RPL14: variants seen among roughly 807,000 people sequenced by gnomAD.
The protein encoded by RPL14 is large ribosomal subunit protein eL14.
A neutral mutation model predicts 25.3 loss-of-function variants in RPL14; 4 were observed. That is an observed-to-expected ratio of 0.16 (90% CI 0.08 to 0.36). The LOEUF (loss-of-function observed/expected upper bound fraction) is 0.36. Ranked by LOEUF, RPL14 falls within the 10% of genes least tolerant of loss-of-function variation. RPL14 has a pLI of 1.00. For synonymous variants in RPL14, 75 were observed against 89.8 expected, an observed-to-expected ratio of 0.84 and a Z score of 0.93; for missense variants, 212 against 261.9, an observed-to-expected ratio of 0.81 and a Z score of 1.31.
intron 1 of RPL14, 85 bp downstream of exon 1, chr3:40,457,559 T>C: frequency 8.4e-7 from 1 of 1,194,828 alleles, no homozygotes; most frequent in Non-Finnish European, 1.2e-6. Context: ...GGCGAGCGCG[T>C]GGAGGGCCCG....
At chr3:40,457,599 G>T (rs1419711172) in intron 1 of RPL14, 125 bp downstream of exon 1, 1 of 767,522 alleles carries the variant, frequency 1.3e-6, no homozygotes, top group East Asian at 2.8e-5. Context: ...GGCCACGCGT[G>T]CGCGCCTCCG....
chr3:40,458,436 TTAA>T (rs1696878298), intron 2 of RPL14: 1 of 582,826 alleles, frequency 1.7e-6, no homozygotes, highest in Admixed American at 3.1e-5. Flanking sequence ...GAAGGAGCAT[TTAA>T]TGATGTGGAG....
rs908317898 is a variant in RPL14, at chr3:40,464,415, G to A, written c.*2183G>A. 3.1e-5 allele frequency: 14 copies of A among 455,510 alleles called. No individual in the cohort carries two copies. Among genetic ancestry groups the A allele is most frequent in the Admixed American group, 4.7e-5 (2 of 42,544 alleles). The allele number at this position is 455,510 out of a possible 1,614,324, so 28.2% of individuals were successfully genotyped here. The stretch of plus-strand genomic sequence containing the variant: ...GATTTCGGATTACCTGTTCTACTCT[G>A]GGAGGTAGAGAATTGTCTAGAGAAA... On this transcript the variant is annotated 3_prime_UTR_variant, in exon 6 of 6. Transcript: ENST00000396203.
rs111899316 is a variant in RPL14 at position 40,462,027 on chromosome 3, GTAC to G, written c.445_447del (p.Thr149del). On this transcript the variant is annotated inframe_deletion, in exon 6 of 6. Transcript: ENST00000396203. ...CCCAAAAAAGCACCTGGTACTAAGG[GTAC>G]TGCTGCTGCTGCTGCTGCTGCTGCT... 0.022 allele frequency: 8,804 copies of G among 404,270 alleles called. 359 individuals carry two copies. Among genetic ancestry groups the G allele is most frequent in the African/African-American group, 0.17 (7,407 of 43,064 alleles). The allele number at this position is 404,270 out of a possible 1,614,324, so 25.0% of individuals were successfully genotyped here.
At chr3:40,458,799 G>A (rs1696883467) in intron 3 of RPL14, 63 bp downstream of exon 3, 1 of 1,322,258 alleles carries the variant, frequency 7.6e-7, no homozygotes, top group African/African-American at 1.4e-5. Flanking sequence ...GTAAAAGTTT[G>A]TTTTGGAGTA....
At position 40,462,358 on chromosome 3, in the gene RPL14, TTAAA is replaced by T; in HGVS notation, c.*130_*133del. 2 of 771,600 alleles carry T rather than the reference TTAAA, an allele frequency of 2.6e-6. No homozygotes were observed. The highest frequency in any genetic ancestry group is 3.9e-6 in the Non-Finnish European group (2 of 510,802). 47.8% of individuals were successfully genotyped at this position (771,600 alleles called of 1,614,324 possible). ...ATTGATAGTAGGATTATAATAAACA[TTAAA>T]TAATCAGTTCCTTTTTTTTTTTTTT... On this transcript the variant is annotated 3_prime_UTR_variant, in exon 6 of 6. Coordinates refer to ENST00000396203, the MANE Select transcript of RPL14 (RefSeq NM_001034996.3).
rs374864613 is a variant in RPL14, at chr3:40,461,571, G to A, written c.301-37G>A. On this transcript the variant is annotated intron_variant, in intron 4 of 5. Transcript: ENST00000396203. The stretch of plus-strand genomic sequence containing the variant: ...TTTTGGAGGGTTCAAGATAGTGTGA[G>A]AGGGATAATTTTTATTTGTTGTTTT... 1.9e-5 allele frequency: 30 copies of A among 1,601,594 alleles called. No individual in the cohort carries two copies. The Middle Eastern group carries it at 5.0e-4, about 27-fold the overall frequency.
rs1245865860 is a variant in RPL14 at position 40,466,543 on chromosome 3, T to C, written c.*4311T>C. On this transcript the variant is annotated 3_prime_UTR_variant, in exon 6 of 6. Coordinates refer to ENST00000396203, the MANE Select transcript of RPL14 (RefSeq NM_001034996.3). ...AAAAAAAAAAAAAAAAATGGCTGAT[T>C]TCAGAGTCATATTCAGGTTTAAATT... 6.7e-6 allele frequency: 1 copy of C among 149,822 alleles called. No homozygotes were observed. Among genetic ancestry groups the C allele is most frequent in the African/African-American group, 2.4e-5 (1 of 40,920 alleles). The allele number at this position is 149,822 out of a possible 1,614,324, so 9.3% of individuals were successfully genotyped here. A position where few individuals can be genotyped will look rare whatever the true frequency, so the allele number is the denominator to read the frequency against.
intron 3 of RPL14, 119 bp downstream of exon 3, chr3:40,458,855 A>G (rs975219784): frequency 4.0e-6 from 3 of 747,000 alleles, no homozygotes; most frequent in African/African-American, 3.5e-5. Flanking sequence ...GATTTGCATC[A>G]TAGAAGTAGA....
At position 40,461,692 on chromosome 3, in the gene RPL14, C is replaced by T. The variant is rs749116178; in HGVS notation, c.354+31C>T. ...ATTTAAGATCTGTATTTTTGTGTAA[C>T]TTAGCTTTAAATAATAAGGGAGCAG... On this transcript the variant is annotated intron_variant, in intron 5 of 5. Transcript: ENST00000396203. The T allele has an allele frequency of 2.5e-6, 4 of 1,569,928 alleles. 1 individual carries two copies. The highest frequency in any genetic ancestry group is 4.5e-5 in the East Asian group (2 of 44,648).
Position 40,462,873 on chromosome 3 carries a change from G to A in RPL14, c.*641G>A, listed in dbSNP as rs1002237483. The A allele has an allele frequency of 6.6e-6, 1 of 151,998 alleles. No homozygotes were observed. Among genetic ancestry groups the A allele is most frequent in the Non-Finnish European group, 1.5e-5 (1 of 68,010 alleles). The allele number at this position is 151,998 out of a possible 1,614,324, so 9.4% of individuals were successfully genotyped here. ...TGTACAAATATGTTTGCCATAAATA[G>A]GTAAAGTGACAGCCTCTTGATGCTC... On this transcript the variant is annotated 3_prime_UTR_variant, in exon 6 of 6. Coordinates refer to ENST00000396203, the MANE Select transcript of RPL14 (RefSeq NM_001034996.3).
At position 40,457,834 on chromosome 3, in the gene RPL14, CAT is replaced by C. The variant is rs1435444421; in HGVS notation, c.4-53_4-52del. 81 of 1,446,090 alleles carry C rather than the reference CAT, an allele frequency of 5.6e-5. No individual in the cohort carries two copies. The East Asian group carries it at 1.7e-3, about 31-fold the overall frequency. The allele number at this position is 1,446,090 out of a possible 1,614,324, so 89.6% of individuals were successfully genotyped here. A position where few individuals can be genotyped will look rare whatever the true frequency, so the allele number is the denominator to read the frequency against. On this transcript the variant is annotated intron_variant, in intron 1 of 5. Coordinates refer to ENST00000396203, the MANE Select transcript of RPL14 (RefSeq NM_001034996.3). ...TGTTGTCTTTAGCTGCAGAAGGTGA[CAT>C]ATGTAGCGAGTATTTCTAAGTAAGT...
chr3:40,457,489 G>A lies in RPL14; in HGVS notation c.3+15G>A. ...GGAAGCGCATGGTGAGGGTCCCCGGGCCGGCTGTGCAGCGGAATCGGGCCC... is the reference window on the plus strand; with the variant it reads ...GGAAGCGCATGGTGAGGGTCCCCGGACCGGCTGTGCAGCGGAATCGGGCCC... On this transcript the variant is annotated intron_variant, in intron 1 of 5. Coordinates refer to ENST00000396203, the MANE Select transcript of RPL14 (RefSeq NM_001034996.3). 1.3e-6 allele frequency: 2 copies of A among 1,538,050 alleles called. No individual in the cohort carries two copies. Among genetic ancestry groups the A allele is most frequent in the Non-Finnish European group, 1.8e-6 (2 of 1,135,028 alleles).
rs1177429258 is a variant in RPL14, at chr3:40,464,884, C to T, written c.*2652C>T. ...TATCTAGGTAAAATGAGTTAGTTTTCATGTAGACTATCTGGGTGTATATGC... is the reference window on the plus strand; with the variant it reads ...TATCTAGGTAAAATGAGTTAGTTTTTATGTAGACTATCTGGGTGTATATGC... On this transcript the variant is annotated 3_prime_UTR_variant, in exon 6 of 6. Coordinates refer to ENST00000396203, the MANE Select transcript of RPL14 (RefSeq NM_001034996.3). 3 of 209,490 alleles carry T rather than the reference C, an allele frequency of 1.4e-5. No homozygotes were observed. Among genetic ancestry groups the T allele is most frequent in the Non-Finnish European group, 2.0e-5 (2 of 100,708 alleles). 13.0% of individuals were successfully genotyped at this position (209,490 alleles called of 1,614,324 possible). A position where few individuals can be genotyped will look rare whatever the true frequency, so the allele number is the denominator to read the frequency against.
At position 40,459,858 on chromosome 3, in the gene RPL14, C is replaced by CAAAAAAAAAAAA. The variant is rs10682822; in HGVS notation, c.200+1133_200+1144dup. Among the ~76,000 whole-genome samples, 71 of 90,948 alleles carry CAAAAAAAAAAAA rather than the reference C, an allele frequency of 7.8e-4. 2 individuals are homozygous for CAAAAAAAAAAAA. The highest frequency in any genetic ancestry group is 2.8e-3 in the African/African-American group (59 of 21,256). The allele number at this position is 90,948 out of a possible 152,430, so 59.7% of individuals were successfully genotyped here. A position where few individuals can be genotyped will look rare whatever the true frequency, so the allele number is the denominator to read the frequency against. On this transcript the variant is annotated intron_variant, in intron 3 of 5. Transcript: ENST00000396203. Reference sequence around the variant, plus strand: ...TGGGTGACAGAGCGAGACTCCGTTTCAAAAAAAAAAAAAAAAAAAAAACTT... The same window carrying CAAAAAAAAAAAA: ...TGGGTGACAGAGCGAGACTCCGTTTCAAAAAAAAAAAAAAAAAAAAAAAAAAAAAAAAAACTT...
intron 3 of RPL14, among the ~76,000 whole-genome samples, chr3:40,459,858 C>CA (rs10682822): frequency 0.076 from 6,870 of 90,896 alleles, 596 homozygotes; most frequent in Admixed American, 0.14. Context: ...GACTCCGTTT[C>CA]AAAAAAAAAA....
rs1380457430 is a variant in RPL14, at chr3:40,462,947, C to CA, written c.*716dup. 3 of 151,598 alleles carry CA rather than the reference C, an allele frequency of 2.0e-5. No individual in the cohort carries two copies. The highest frequency in any genetic ancestry group is 7.3e-5 in the African/African-American group (3 of 41,170). 9.4% of individuals were successfully genotyped at this position (151,598 alleles called of 1,614,324 possible). A position where few individuals can be genotyped will look rare whatever the true frequency, so the allele number is the denominator to read the frequency against. ...TTTATTTATTTTTTTTTTTTGGAGA[C>CA]AGAGTCTTGCTGTGTTGCCCAGGCT... On this transcript the variant is annotated 3_prime_UTR_variant, in exon 6 of 6. Coordinates refer to ENST00000396203, the MANE Select transcript of RPL14 (RefSeq NM_001034996.3).
intron 2 of RPL14, 90 bp from the exon 3 acceptor site, chr3:40,458,552 C>A: frequency 2.1e-6 from 2 of 948,806 alleles, no homozygotes; most frequent in South Asian, 1.4e-5. Context: ...GGTTTGATGG[C>A]CCTGAACGGA....
At chr3:40,460,519 C>CA (rs992778594) in intron 3 of RPL14, among the ~76,000 whole-genome samples, 4 of 141,430 alleles carry the variant, frequency 2.8e-5, no homozygotes, top group Admixed American at 6.9e-5. Context: ...GACCCTGTCT[C>CA]AAAAAAAGAA....
Sources: allele counts gnomAD v4.1 joint callset (sites outside exome capture counted in the v4.1 genomes callset), GRCh38; gene constraint gnomAD v4.1.1; transcripts MANE v1.5; gene names NCBI Gene and HGNC (gene_info 2026-07-23, HGNC 2026-07-21).